Variants in ATL2 observed in about 807,000 individuals in gnomAD.
The protein encoded by ATL2 is atlastin GTPase 2, also known as atlastin-2.
In ATL2, 31 loss-of-function variants were observed where a neutral mutation model predicts 73.9. That is an observed-to-expected ratio of 0.42 (90% CI 0.32 to 0.57). The LOEUF is 0.57. ATL2 is among the 20% of genes least tolerant of loss of function. The probability of loss-of-function intolerance (pLI) is 0.14; values close to 1 mark genes in which losing one functional copy is unlikely to be tolerated. For synonymous variants in ATL2, 291 were observed against 237.5 expected, an observed-to-expected ratio of 1.23 and a Z score of -2.07; for missense variants, 738 against 702.6, an observed-to-expected ratio of 1.05 and a Z score of -0.57.
At chr2:38,328,207 A>G (rs1387053154) in intron 2 of ATL2, among the ~76,000 whole-genome samples, 3 of 152,228 alleles carry the variant, frequency 2.0e-5, no homozygotes, top group Non-Finnish European at 4.4e-5. Context: ...TGAACTCCAA[A>G]GAGTAACAGA....
rs532837170 is a variant in ATL2 at position 38,330,493 on chromosome 2, G to C, written c.364-11474C>G. Reference sequence around the variant, plus strand: ...CATCATTTGCAGATGACATGATGTTGTATATAGAAAACTCGAAGGAATCCG... The same window carrying C: ...CATCATTTGCAGATGACATGATGTTCTATATAGAAAACTCGAAGGAATCCG... On this transcript the variant is annotated intron_variant, in intron 2 of 12. Coordinates refer to ENST00000378954, the MANE Select transcript of ATL2 (RefSeq NM_001135673.4). Among the ~76,000 whole-genome samples the C allele has an allele frequency of 1.5e-3, 229 of 152,256 alleles. 2 individuals are homozygous for C. Among genetic ancestry groups the C allele is most frequent in the African/African-American group, 5.2e-3 (216 of 41,546 alleles).
At chr2:38,367,030 G>A (rs753113604) in intron 1 of ATL2, among the ~76,000 whole-genome samples, 5 of 151,888 alleles carry the variant, frequency 3.3e-5, no homozygotes, top group Non-Finnish European at 7.4e-5. Flanking sequence ...TAGCAACAGA[G>A]TCTCACTATG....
intron 2 of ATL2, among the ~76,000 whole-genome samples, chr2:38,331,437 G>GAAAA (rs34238912): frequency 1.2e-5 from 1 of 80,328 alleles, no homozygotes; most frequent in African/African-American, 4.5e-5. Context: ...TCTGTCTCAA[G>GAAAA]AAAAAAAAAA....
chr2:38,369,236 G>A (rs1005911101), intron 1 of ATL2, among the ~76,000 whole-genome samples: 1 of 151,292 alleles, frequency 6.6e-6, no homozygotes, highest in African/African-American at 2.4e-5. Context: ...GATCACCTGA[G>A]GTCAGGAGTT....
intron 10 of ATL2, 133 bp downstream of exon 10, chr2:38,300,139 A>ACGGG: frequency 1.4e-6 from 1 of 703,444 alleles, no homozygotes. Flanking sequence ...CACGACACAT[A>ACGGG]CGGCCTTAAG....
chr2:38,331,439 A>C (rs1291324194), intron 2 of ATL2, among the ~76,000 whole-genome samples: 1 of 52,016 alleles, frequency 1.9e-5, no homozygotes, highest in Non-Finnish European at 3.4e-5. Context: ...TGTCTCAAGA[A>C]AAAAAAAAAA....
At position 38,294,972 on chromosome 2, in the gene ATL2, T is replaced by A. The variant is rs1666811421; in HGVS notation, c.*1022A>T. The A allele has an allele frequency of 8.4e-6, 1 of 119,246 alleles. No individual in the cohort carries two copies. The highest frequency in any genetic ancestry group is 1.1e-4 in the Admixed American group (1 of 8,942). The allele number at this position is 119,246 out of a possible 1,614,324, so 7.4% of individuals were successfully genotyped here. On this transcript the variant is annotated 3_prime_UTR_variant, in exon 13 of 13. Coordinates refer to ENST00000378954, the MANE Select transcript of ATL2 (RefSeq NM_001135673.4). ...AATGCAACAGAGGACAAAGTCACAA[T>A]AAACATTCCCATTGAATTCCCTTGG... is the stretch of plus-strand genomic sequence containing the variant.
chr2:38,377,218 G>A lies in ATL2; in HGVS notation c.43C>T (p.Gln15Ter). 1 of 1,607,594 alleles carries A rather than the reference G, an allele frequency of 6.2e-7. No homozygotes were observed. The highest frequency in any genetic ancestry group is 8.5e-7 in the Non-Finnish European group (1 of 1,177,858). Residue 15 changes from glutamine (Q) to a stop codon, truncating the protein, a stop_gained, in exon 1 of 13, where the codon CAG becomes TAG. Transcript: ENST00000378954. LOFTEE classifies it high-confidence loss of function. ...GTCCGTCGCCGGCGCCACAGCCCCT[G>A]GTGCGGTTGCTGCCCTCGCGCTGCC... ...DEAARGQQPH[Q>*]GLWRRRRTSD...
intron 2 of ATL2, among the ~76,000 whole-genome samples, chr2:38,335,029 C>T (rs571091695): frequency 4.4e-5 from 5 of 112,868 alleles, no homozygotes; most frequent in East Asian, 6.2e-4. Flanking sequence ...TGTATACAGA[C>T]GTATACAGAT....
At position 38,358,549 on chromosome 2, in the gene ATL2, G is replaced by A. The variant is rs923010501; in HGVS notation, c.119-15037C>T. 3.6e-5 allele frequency: 12 copies of A among 332,146 alleles called. 1 individual carries two copies. The highest frequency in any genetic ancestry group is 1.4e-4 in the East Asian group (1 of 7,322). 20.6% of individuals were successfully genotyped at this position (332,146 alleles called of 1,614,324 possible). A position where few individuals can be genotyped will look rare whatever the true frequency, so the allele number is the denominator to read the frequency against. On this transcript the variant is annotated intron_variant, in intron 1 of 12. Coordinates refer to ENST00000378954, the MANE Select transcript of ATL2 (RefSeq NM_001135673.4). ...ATTAAAAATACAAAAAAAGTAAGCC[G>A]GACACGGTGGCAGGCGCCTGTAGTC...
intron 9 of ATL2, among the ~76,000 whole-genome samples, chr2:38,301,236 C>T (rs1358330328): frequency 6.6e-6 from 1 of 152,152 alleles, no homozygotes; most frequent in Non-Finnish European, 1.5e-5. Flanking sequence ...TCCCAAAGTG[C>T]TGGGATTACA....
intron 12 of ATL2, among the ~76,000 whole-genome samples, chr2:38,296,915 G>A (rs1024064940): frequency 5.3e-5 from 8 of 152,106 alleles, no homozygotes; most frequent in African/African-American, 1.9e-4. Context: ...AGAAGATATT[G>A]TACAATTATT....
chr2:38,354,745 C>T (rs1670561619), intron 1 of ATL2, among the ~76,000 whole-genome samples: 1 of 151,966 alleles, frequency 6.6e-6, no homozygotes, highest in Non-Finnish European at 1.5e-5. Flanking sequence ...CAAAAATTAG[C>T]CAGGTGTGGT....
chr2:38,344,933 T>C (rs1669936909), intron 1 of ATL2, among the ~76,000 whole-genome samples: 1 of 152,152 alleles, frequency 6.6e-6, no homozygotes, highest in Non-Finnish European at 1.5e-5. Flanking sequence ...TAAAATAAGG[T>C]AACCTTTGCA....
At position 38,318,809 on chromosome 2, in the gene ATL2, G is replaced by T; in HGVS notation, c.498+76C>A. ...AAAGTTATCAAACATTAATAGTTCT[G>T]TGTTGTTTTGATTTTTAATACTGGA... On this transcript the variant is annotated intron_variant, in intron 3 of 12. Transcript: ENST00000378954. 4.7e-6 allele frequency: 7 copies of T among 1,499,006 alleles called. No homozygotes were observed. The South Asian group carries it at 8.6e-5, about 19-fold the overall frequency. The allele number at this position is 1,499,006 out of a possible 1,614,324, so 92.9% of individuals were successfully genotyped here. A position where few individuals can be genotyped will look rare whatever the true frequency, so the allele number is the denominator to read the frequency against.
intron 2 of ATL2, among the ~76,000 whole-genome samples, chr2:38,322,182 C>G (rs904277944): frequency 2.7e-5 from 4 of 146,894 alleles, no homozygotes; most frequent in African/African-American, 1.1e-4. Context: ...CTCATTCCCC[C>G]ACAATGTCAA....
chr2:38,378,525 C>T (rs1355713664), upstream of ATL2, among the ~76,000 whole-genome samples: 1 of 152,256 alleles, frequency 6.6e-6, no homozygotes, highest in Non-Finnish European at 1.5e-5. Flanking sequence ...GCGTGAGCCA[C>T]TGCGCCCGGC....
chr2:38,315,871 C>A (rs1471878924), intron 4 of ATL2, among the ~76,000 whole-genome samples: 4 of 152,180 alleles, frequency 2.6e-5, no homozygotes, highest in Non-Finnish European at 5.9e-5. Context: ...TTCACTTACA[C>A]TCAACATGAC....
chr2:38,362,788 G>A lies in ATL2; in HGVS notation c.118+14355C>T, dbSNP rs1165672889. ...GAGCAATAGAAAACATATGTGTGAT[G>A]TCAGCTAGTGTTAAGTGCTACAGAG... On this transcript the variant is annotated intron_variant, in intron 1 of 12. Coordinates refer to ENST00000378954, the MANE Select transcript of ATL2 (RefSeq NM_001135673.4). Among the ~76,000 whole-genome samples, 4 of 152,202 alleles carry A rather than the reference G, an allele frequency of 2.6e-5. No individual in the cohort carries two copies. The South Asian group carries it at 6.2e-4, about 24-fold the overall frequency.
Sources: allele counts gnomAD v4.1 joint callset (sites outside exome capture counted in the v4.1 genomes callset), GRCh38; gene constraint gnomAD v4.1.1; transcripts MANE v1.5; gene names NCBI Gene and HGNC (gene_info 2026-07-23, HGNC 2026-07-21).